Variants in ROBO2 observed in about 807,000 individuals in gnomAD.
ROBO2 encodes the protein roundabout homolog 2.
ROBO2 carries 53 observed loss-of-function variants against 160.8 expected under a neutral mutation model. That is an observed-to-expected ratio of 0.33 (90% CI 0.26 to 0.41). The LOEUF (loss-of-function observed/expected upper bound fraction) is 0.41, where lower values mean the gene tolerates loss of function less well. ROBO2 is among the 10% of genes least tolerant of loss of function. ROBO2 has a pLI of 1.00. For synonymous variants in ROBO2, 664 were observed against 611.7 expected (o/e 1.09, Z -1.26); for missense variants, 1,577 against 1,722.4 (o/e 0.92, Z 1.49).
chr3:77,621,723 G>A (rs943435798), intron 22 of ROBO2, among the ~76,000 whole-genome samples: 36 of 152,246 alleles, frequency 2.4e-4, no homozygotes, highest in African/African-American at 6.3e-4. Context: ...GAGAGAGATC[G>A]TGTGGGGAGG....
intron 2 of ROBO2, among the ~76,000 whole-genome samples, chr3:76,383,757 A>G (rs534708758): frequency 6.6e-6 from 1 of 152,228 alleles, no homozygotes; most frequent in African/African-American, 2.4e-5. Flanking sequence ...AGCATACCCA[A>G]TTCTGTTAGA....
chr3:76,913,512 C>T (rs1447626484), intron 2 of ROBO2, among the ~76,000 whole-genome samples: 5 of 152,222 alleles, frequency 3.3e-5, no homozygotes, highest in Non-Finnish European at 1.5e-5. Context: ...ATTCTTACTA[C>T]AATAAAATCG....
At chr3:76,981,858 G>A (rs1200034125) in intron 2 of ROBO2, among the ~76,000 whole-genome samples, 1 of 152,016 alleles carries the variant, frequency 6.6e-6, no homozygotes, top group Non-Finnish European at 1.5e-5. Context: ...CGAGAGAGTG[G>A]ATGGGAAGAT....
At chr3:76,521,045 C>CTTTTTTTT (rs58517740) in intron 2 of ROBO2, among the ~76,000 whole-genome samples, 5 of 100,122 alleles carry the variant, frequency 5.0e-5, no homozygotes, top group Admixed American at 1.2e-4. Context: ...AAAATTGCTT[C>CTTTTTTTT]TTTTTTTTTT....
At chr3:76,519,711 T>C (rs1375298402) in intron 2 of ROBO2, among the ~76,000 whole-genome samples, 1 of 150,724 alleles carries the variant, frequency 6.6e-6, no homozygotes, top group East Asian at 1.9e-4. Flanking sequence ...AGAAGAGATA[T>C]AAGACAAAAA....
intron 2 of ROBO2, among the ~76,000 whole-genome samples, chr3:76,957,484 T>A (rs551834493): frequency 1.3e-5 from 2 of 152,232 alleles, no homozygotes; most frequent in African/African-American, 4.8e-5. Flanking sequence ...TATTAATAGC[T>A]AATGTATGCA....
At chr3:76,207,516 T>G (rs1163586013) in intron 2 of ROBO2, among the ~76,000 whole-genome samples, 1 of 152,196 alleles carries the variant, frequency 6.6e-6, no homozygotes, top group Admixed American at 6.5e-5. Context: ...TCAATTAATA[T>G]ATTTAAAAAT....
chr3:75,934,750 T>C (rs1389198499), intron 1 of ROBO2, among the ~76,000 whole-genome samples: 1 of 152,200 alleles, frequency 6.6e-6, no homozygotes, highest in Non-Finnish European at 1.5e-5. Flanking sequence ...AAAATATATA[T>C]TGGAACTGGT....
intron 2 of ROBO2, among the ~76,000 whole-genome samples, chr3:77,381,385 A>G (rs1386507344): frequency 1.3e-5 from 2 of 152,162 alleles, no homozygotes; most frequent in Non-Finnish European, 2.9e-5. Context: ...TAGAAGGTCT[A>G]AAGTACCTAG....
chr3:76,921,512 T>C (rs1183612281), intron 2 of ROBO2, among the ~76,000 whole-genome samples: 2 of 152,140 alleles, frequency 1.3e-5, no homozygotes, highest in Non-Finnish European at 2.9e-5. Flanking sequence ...CTCAGGGGGC[T>C]GAGGCAGGAG....
At chr3:76,270,181 T>C (rs72630390) in intron 2 of ROBO2, among the ~76,000 whole-genome samples, 20,426 of 152,000 alleles carry the variant, frequency 0.13, 2,154 homozygotes, top group East Asian at 0.41. Context: ...GAAGTAGTGG[T>C]TCAAGGGAAC....
chr3:77,502,791 T>C (rs1056989426), intron 5 of ROBO2, among the ~76,000 whole-genome samples: 1 of 152,228 alleles, frequency 6.6e-6, no homozygotes, highest in Non-Finnish European at 1.5e-5. Flanking sequence ...ATAGGTTATA[T>C]GCAAATACTA....
intron 22 of ROBO2, among the ~76,000 whole-genome samples, chr3:77,618,559 A>C (rs914574962): frequency 6.6e-6 from 1 of 152,106 alleles, no homozygotes; most frequent in African/African-American, 2.4e-5. Context: ...TCATACTCCA[A>C]TTTTCTTCTG....
At chr3:77,589,002 A>G (rs2094120457) in intron 17 of ROBO2, 69 bp downstream of exon 18, 1 of 1,562,702 alleles carries the variant, frequency 6.4e-7, no homozygotes, top group Non-Finnish European at 8.8e-7. Flanking sequence ...TGGAAGGAAC[A>G]GAAAGGAATA....
chr3:76,743,902 C>T (rs1389234381), intron 2 of ROBO2, among the ~76,000 whole-genome samples: 1 of 152,050 alleles, frequency 6.6e-6, no homozygotes, highest in Admixed American at 6.6e-5. Context: ...GTTGTCAAAA[C>T]TCTCAATAGT....
intron 2 of ROBO2, among the ~76,000 whole-genome samples, chr3:75,956,204 A>C (rs1003034300): frequency 6.6e-6 from 1 of 151,762 alleles, no homozygotes; most frequent in African/African-American, 2.4e-5. Context: ...TTTGTCTTGA[A>C]ATGATGCCTG....
At chr3:76,731,795 G>C (rs562409726) in intron 2 of ROBO2, among the ~76,000 whole-genome samples, 3 of 152,286 alleles carry the variant, frequency 2.0e-5, no homozygotes, top group Middle Eastern at 3.4e-3. Flanking sequence ...AGAGAAGAAA[G>C]GACGATGTCT....
chr3:76,590,411 TTTAA>T (rs747780289), intron 2 of ROBO2, among the ~76,000 whole-genome samples: 14 of 152,150 alleles, frequency 9.2e-5, no homozygotes, highest in African/African-American at 2.2e-4. Context: ...AGTGCCTCAG[TTTAA>T]TTGTGTTCAT....
chr3:77,163,758 G>A (rs1237221621), intron 2 of ROBO2, among the ~76,000 whole-genome samples: 4 of 152,144 alleles, frequency 2.6e-5, no homozygotes, highest in Admixed American at 6.5e-5. Flanking sequence ...CTCAAGAAAA[G>A]TGCACTGAAT....
Sources: gnomAD v4.1 joint callset for allele counts (sites outside exome capture counted in the v4.1 genomes callset) on GRCh38, gnomAD v4.1.1 for gene constraint, MANE v1.5 for transcripts, NCBI Gene and HGNC (gene_info 2026-07-23, HGNC 2026-07-21) for gene names.